The following GALNT13 variants were observed in gnomAD, a reference collection of about 807,000 sequenced individuals.
GALNT13 encodes the protein UDP-GalNAc:polypeptide N-acetylgalactosaminyltransferase 13.
A neutral mutation model predicts 64.2 loss-of-function variants in GALNT13; 28 were observed. The ratio of observed to expected loss-of-function variants is 0.44; its 90% CI spans 0.32 to 0.60. GALNT13 has a LOEUF of 0.60. Ranked by LOEUF, GALNT13 falls within the 20% of genes least tolerant of loss-of-function variation. GALNT13 has a pLI of 0.05. For missense variants in GALNT13, 577 were observed against 669.8 expected (o/e 0.86, Z 1.53); for synonymous variants, 214 against 224.6 (o/e 0.95, Z 0.42).
At chr2:154,381,431 G>C (rs1198413400) in intron 9 of GALNT13, among the ~76,000 whole-genome samples, 1 of 151,924 alleles carries the variant, frequency 6.6e-6, no homozygotes, top group African/African-American at 2.4e-5. Flanking sequence ...TTTATTCTCT[G>C]TACATCTCTC....
At chr2:154,283,654 T>C (rs995216494) in intron 8 of GALNT13, among the ~76,000 whole-genome samples, 1 of 150,916 alleles carries the variant, frequency 6.6e-6, no homozygotes, top group Non-Finnish European at 1.5e-5. Context: ...ATAACATGAG[T>C]GGGGCTATAA....
At chr2:153,224,987 T>C in the GALNT13 span, among the ~76,000 whole-genome samples, 1 of 152,204 alleles carries the variant, frequency 6.6e-6, no homozygotes, top group Non-Finnish European at 1.5e-5. Context: ...GAGACCAGAA[T>C]TCCCTATTAC....
chr2:153,959,273 G>A (rs1463954397), intron 3 of GALNT13, among the ~76,000 whole-genome samples: 1 of 152,078 alleles, frequency 6.6e-6, no homozygotes, highest in Non-Finnish European at 1.5e-5. Flanking sequence ...AACCTTGGGG[G>A]CAATCAGGGG....
At chr2:153,936,648 A>T (rs1465447957) in intron 2 of GALNT13, among the ~76,000 whole-genome samples, 2 of 152,080 alleles carry the variant, frequency 1.3e-5, no homozygotes, top group East Asian at 3.9e-4. Flanking sequence ...CAAGGATAGG[A>T]TTTACAATTT....
chr2:153,668,136 C>T, the GALNT13 span, among the ~76,000 whole-genome samples: 3 of 152,078 alleles, frequency 2.0e-5, no homozygotes, highest in South Asian at 6.2e-4. Flanking sequence ...ACAACAAAGA[C>T]ATTTTGATAA....
chr2:153,540,442 A>C, the GALNT13 span, among the ~76,000 whole-genome samples: 1 of 152,280 alleles, frequency 6.6e-6, no homozygotes, highest in South Asian at 2.1e-4. Context: ...TGAAGAGGGG[A>C]AATGTGGGGT....
At chr2:153,678,277 A>G in the GALNT13 span, among the ~76,000 whole-genome samples, 1 of 151,878 alleles carries the variant, frequency 6.6e-6, no homozygotes, top group African/African-American at 2.4e-5. Flanking sequence ...TGGAATCAAC[A>G]TAGGTGTCCA....
At chr2:154,001,074 CTT>C (rs1471497554) in intron 3 of GALNT13, among the ~76,000 whole-genome samples, 4 of 151,806 alleles carry the variant, frequency 2.6e-5, no homozygotes, top group Non-Finnish European at 5.9e-5. Context: ...TCATTCCTCT[CTT>C]AAATTTTATC....
the GALNT13 span, among the ~76,000 whole-genome samples, chr2:153,612,738 A>G: frequency 7.2e-5 from 11 of 152,168 alleles, no homozygotes; most frequent in Non-Finnish European, 1.2e-4. Context: ...TTAGAAATAT[A>G]TTCTTTATAA....
chr2:153,632,452 C>G, the GALNT13 span, among the ~76,000 whole-genome samples: 1 of 152,090 alleles, frequency 6.6e-6, no homozygotes, highest in African/African-American at 2.4e-5. Context: ...ATGTATTCAT[C>G]CATCATTGCA....
At chr2:153,796,074 T>G in the GALNT13 span, among the ~76,000 whole-genome samples, 2 of 152,362 alleles carry the variant, frequency 1.3e-5, no homozygotes, top group East Asian at 3.9e-4. Context: ...AAGCGTTCAC[T>G]TCTACTTCTT....
At chr2:153,428,290 GT>G in the GALNT13 span, among the ~76,000 whole-genome samples, 2 of 152,172 alleles carry the variant, frequency 1.3e-5, no homozygotes, top group Non-Finnish European at 2.9e-5. Flanking sequence ...GCCTAGGAAG[GT>G]TTTACTCATC....
At chr2:153,595,655 C>G in the GALNT13 span, among the ~76,000 whole-genome samples, 2 of 151,944 alleles carry the variant, frequency 1.3e-5, no homozygotes, top group Non-Finnish European at 2.9e-5. Flanking sequence ...ACAAAATGAG[C>G]TAGATGCTTT....
At position 153,877,583 on chromosome 2, in the gene GALNT13, A is replaced by G. The variant is rs139057292; in HGVS notation, c.-177+5280A>G. Among the ~76,000 whole-genome samples the G allele has an allele frequency of 3.7e-3, 569 of 152,288 alleles. 6 individuals carry two copies. Among genetic ancestry groups the G allele is most frequent in the African/African-American group, 0.012 (516 of 41,568 alleles). On this transcript the variant is annotated intron_variant, in intron 1 of 12. Coordinates refer to ENST00000392825, the MANE Select transcript of GALNT13 (RefSeq NM_052917.4). ...TTTTGTTAATAAAGTGGATTTTGACATATGAGGAGGATTATGTAGCTTAGA... is the reference window on the plus strand; with the variant it reads ...TTTTGTTAATAAAGTGGATTTTGACGTATGAGGAGGATTATGTAGCTTAGA...
chr2:153,392,003 C>T, the GALNT13 span, among the ~76,000 whole-genome samples: 1 of 148,280 alleles, frequency 6.7e-6, no homozygotes, highest in Non-Finnish European at 1.5e-5. Context: ...ACATTAAATT[C>T]ATCACATTAA....
At chr2:153,247,796 A>G in the GALNT13 span, among the ~76,000 whole-genome samples, 1 of 152,146 alleles carries the variant, frequency 6.6e-6, no homozygotes, top group Admixed American at 6.5e-5. Context: ...TGAAAATATT[A>G]ACAAAATACA....
At chr2:153,700,259 A>G in the GALNT13 span, among the ~76,000 whole-genome samples, 1 of 152,218 alleles carries the variant, frequency 6.6e-6, no homozygotes, top group Non-Finnish European at 1.5e-5. Context: ...GATTATCTCA[A>G]TAGATGCAGA....
the GALNT13 span, among the ~76,000 whole-genome samples, chr2:153,362,458 TC>T: frequency 6.7e-6 from 1 of 149,036 alleles, no homozygotes; most frequent in Non-Finnish European, 1.5e-5. Flanking sequence ...TCAAGACCCA[TC>T]CGTGTACTAT....
chr2:153,884,766 A>AAC (rs1553450551), intron 1 of GALNT13, among the ~76,000 whole-genome samples: 6 of 116,354 alleles, frequency 5.2e-5, no homozygotes, highest in Admixed American at 5.0e-4. Context: ...TAAAAATACG[A>AAC]ATATATATAT....
Sources: allele counts gnomAD v4.1 joint callset (sites outside exome capture counted in the v4.1 genomes callset), GRCh38; gene constraint gnomAD v4.1.1; transcripts MANE v1.5; gene names NCBI Gene and HGNC (gene_info 2026-07-23, HGNC 2026-07-21).